Variants in TBC1D8 observed in about 807,000 individuals in gnomAD.
The protein encoded by TBC1D8 is TBC1 domain family member 8, also known as BUB2-like protein 1.
A neutral mutation model predicts 118.8 loss-of-function variants in TBC1D8; 65 were observed. The observed-to-expected ratio is 0.55, with a 90% CI of 0.45 to 0.67. TBC1D8 has a LOEUF of 0.67. TBC1D8 is among the 30% of genes least tolerant of loss of function. The pLI, the probability that TBC1D8 is intolerant of heterozygous loss-of-function variation, is 0.00. For synonymous variants in TBC1D8, 566 were observed against 595.8 expected, an observed-to-expected ratio of 0.95 and a Z score of 0.73; for missense variants, 1,376 against 1,471.2, an observed-to-expected ratio of 0.94 and a Z score of 1.06.
chr2:101,018,912 C>T lies in TBC1D8; in HGVS notation c.2827+2769G>A, dbSNP rs1167135651. The T allele has an allele frequency of 5.9e-6, 9 of 1,531,270 alleles. No individual in the cohort carries two copies. In the Admixed American group the frequency reaches 9.7e-5, roughly 16 times the overall value. The allele number at this position is 1,531,270 out of a possible 1,614,324, so 94.9% of individuals were successfully genotyped here. ...TAGGTTTATCAATCTGCAGTGAAAA[C>T]TGTTGATGTCCTAATCTTCTGGAAT... On this transcript the variant is annotated intron_variant, in intron 17 of 19. Transcript: ENST00000409318.
At position 101,092,027 on chromosome 2, in the gene TBC1D8, A is replaced by C. The variant is rs6733653; in HGVS notation, c.128-1663T>G. On this transcript the variant is annotated intron_variant, in intron 1 of 19. Transcript: ENST00000409318. ...CATCAAATTCAGAACATTAATATTG[A>C]TATGGCCCTGCCATCTAATCATAAG... 4.9e-3 allele frequency among the ~76,000 whole-genome samples: 751 copies of C among 152,350 alleles called. 6 individuals carry two copies. The highest frequency in any genetic ancestry group is 9.9e-3 in the South Asian group (48 of 4,832).
intron 2 of TBC1D8, among the ~76,000 whole-genome samples, chr2:101,060,910 G>A (rs1009560502): frequency 2.6e-5 from 4 of 152,122 alleles, no homozygotes; most frequent in African/African-American, 9.7e-5. Context: ...GATATGGACC[G>A]GGTGCAGTGG....
intron 5 of TBC1D8, among the ~76,000 whole-genome samples, chr2:101,043,396 T>C (rs1378013252): frequency 6.6e-6 from 1 of 152,196 alleles, no homozygotes; most frequent in Non-Finnish European, 1.5e-5. Flanking sequence ...CTGGCTATGT[T>C]AGCTTTAACG....
chr2:101,047,485 T>C (rs1231650421), intron 5 of TBC1D8, among the ~76,000 whole-genome samples: 1 of 152,228 alleles, frequency 6.6e-6, no homozygotes, highest in Non-Finnish European at 1.5e-5. Context: ...TTTTCAAACC[T>C]GGGCTCTCCT....
In TBC1D8 at chr2:101,007,897, T is replaced by C; in HGVS notation, c.3392A>G (p.Lys1131Arg). The stretch of plus-strand genomic sequence containing the variant: ...AGTTTTGAGATTGTACTGATTGATC[T>C]TGGCATTTTCAAGTTTGGATTTCAT... ...LDMKSKLENA[K>R]INQYNLKTFE... is the part of the protein sequence containing the mutation. Residue 1131 changes from lysine (K) to arginine (R), a missense_variant, in exon 20 of 20, where the codon AAG (lysine) becomes AGG (arginine). By Grantham distance (26) the Lys-to-Arg change is conservative (BLOSUM62 2). Transcript: ENST00000409318. The C allele has an allele frequency of 6.2e-7, 1 of 1,614,058 alleles. No homozygotes were observed. Among genetic ancestry groups the C allele is most frequent in the Non-Finnish European group, 8.5e-7 (1 of 1,179,900 alleles).
chr2:101,095,393 T>C (rs1367019836), intron 1 of TBC1D8, among the ~76,000 whole-genome samples: 15 of 128,034 alleles, frequency 1.2e-4, no homozygotes, highest in Non-Finnish European at 1.2e-4. Flanking sequence ...TAATGCTATC[T>C]CCCCCCCCCT....
chr2:101,056,265 G>A (rs1295707619), intron 3 of TBC1D8, among the ~76,000 whole-genome samples: 6 of 151,080 alleles, frequency 4.0e-5, no homozygotes, highest in South Asian at 4.2e-4. Flanking sequence ...GTGCAGTGGC[G>A]TGATCTCGGC....
At chr2:101,084,426 G>A (rs1043308435) in intron 2 of TBC1D8, among the ~76,000 whole-genome samples, 2 of 152,262 alleles carry the variant, frequency 1.3e-5, no homozygotes, top group Admixed American at 6.5e-5. Flanking sequence ...GTGCGTGCAC[G>A]TGTAATCCCA....
intron 5 of TBC1D8, among the ~76,000 whole-genome samples, chr2:101,045,415 T>C (rs2105405714): frequency 6.6e-6 from 1 of 152,306 alleles, no homozygotes; most frequent in East Asian, 1.9e-4. Flanking sequence ...CAACTCTTGC[T>C]CCCTCTGGTC....
chr2:101,028,975 G>A (rs1680511082), intron 12 of TBC1D8, among the ~76,000 whole-genome samples: 1 of 152,208 alleles, frequency 6.6e-6, no homozygotes, highest in African/African-American at 2.4e-5. Flanking sequence ...GCTCTTCCTG[G>A]AGTTTCTCAC....
intron 4 of TBC1D8, among the ~76,000 whole-genome samples, chr2:101,053,396 T>A (rs899180812): frequency 3.3e-5 from 5 of 152,200 alleles, no homozygotes; most frequent in African/African-American, 1.2e-4. Context: ...CAGCAGACAC[T>A]CAAGAGAAGC....
chr2:101,117,134 C>G (rs1677856268), intron 1 of TBC1D8, among the ~76,000 whole-genome samples: 1 of 152,122 alleles, frequency 6.6e-6, no homozygotes, highest in Non-Finnish European at 1.5e-5. Context: ...AGCCAACCCC[C>G]AGAACCCCAG....
At chr2:101,050,786 A>T (rs1682023000) in intron 4 of TBC1D8, 145 bp from the exon 5 acceptor site, 1 of 978,878 alleles carries the variant, frequency 1.0e-6, no homozygotes, top group African/African-American at 1.6e-5. Context: ...GGATACAGGG[A>T]TACACGTGCA....
intron 6 of TBC1D8, 96 bp from the exon 7 acceptor site, chr2:101,038,751 C>T: frequency 7.5e-7 from 1 of 1,329,208 alleles, no homozygotes; most frequent in South Asian, 1.3e-5. Context: ...GGGCAAGGCA[C>T]AATCACTGCA....
At chr2:101,118,036 T>C (rs183139888) in intron 1 of TBC1D8, among the ~76,000 whole-genome samples, 12 of 152,158 alleles carry the variant, frequency 7.9e-5, no homozygotes, top group Admixed American at 3.3e-4. Context: ...TTGCTGAAGT[T>C]CCTGAAATAG....
At chr2:101,013,721 G>T (rs1269073074) in intron 17 of TBC1D8, among the ~76,000 whole-genome samples, 1 of 152,148 alleles carries the variant, frequency 6.6e-6, no homozygotes, top group Non-Finnish European at 1.5e-5. Flanking sequence ...TTTCTAAATG[G>T]GATGCCTGTG....
chr2:101,011,405 C>T, intron 18 of TBC1D8, 46 bp downstream of exon 18: 3 of 1,598,324 alleles, frequency 1.9e-6, no homozygotes, highest in Non-Finnish European at 2.6e-6. Context: ...CCTCCCGCCA[C>T]TGCAGTGGTA....
chr2:101,033,374 A>G (rs184245538), intron 10 of TBC1D8, 170 bp downstream of exon 10: 24 of 775,942 alleles, frequency 3.1e-5, no homozygotes, highest in Admixed American at 1.0e-4. Flanking sequence ...TAAGATGAGT[A>G]GTCCCTTTGG....
At chr2:101,087,904 C>G (rs1675746363) in intron 2 of TBC1D8, among the ~76,000 whole-genome samples, 1 of 152,116 alleles carries the variant, frequency 6.6e-6, no homozygotes, top group Non-Finnish European at 1.5e-5. Flanking sequence ...TTTTCAAAAG[C>G]CACAATTCTA....
Sources: gnomAD v4.1 joint callset for allele counts (sites outside exome capture counted in the v4.1 genomes callset) on GRCh38, gnomAD v4.1.1 for gene constraint, MANE v1.5 for transcripts, NCBI Gene and HGNC (gene_info 2026-07-23, HGNC 2026-07-21) for gene names.